Variants in ESRRG observed in about 807,000 individuals in gnomAD.
ESRRG encodes the protein estrogen-related receptor gamma.
A neutral mutation model predicts 44.0 loss-of-function variants in ESRRG; 13 were observed. The ratio of observed to expected loss-of-function variants is 0.30; its 90% CI spans 0.19 to 0.47. ESRRG has a LOEUF of 0.47. Among genes scored for constraint, ESRRG ranks in the 20% least tolerant of loss-of-function variants. The pLI, the probability that ESRRG is intolerant of heterozygous loss-of-function variation, is 1.00. For synonymous variants in ESRRG, 215 were observed against 214.6 expected (o/e 1.00, Z -0.02); for missense variants, 395 against 580.6 (o/e 0.68, Z 3.29).
chr1:216,949,905 C>T (rs1050110786), intron 1 of ESRRG, among the ~76,000 whole-genome samples: 40 of 151,956 alleles, frequency 2.6e-4, no homozygotes, highest in African/African-American at 9.2e-4. Context: ...CTCCACATCC[C>T]GGGCTCAGGC....
intron 2 of ESRRG, among the ~76,000 whole-genome samples, chr1:216,904,211 C>T (rs568044247): frequency 6.6e-6 from 1 of 151,156 alleles, no homozygotes; most frequent in Non-Finnish European, 1.5e-5. Flanking sequence ...ATCACCCCCC[C>T]CAACTGATAA....
chr1:216,571,062 C>T (rs2060693973), intron 3 of ESRRG, among the ~76,000 whole-genome samples: 1 of 152,146 alleles, frequency 6.6e-6, no homozygotes, highest in African/African-American at 2.4e-5. Context: ...ACAGTTACAT[C>T]ACTTTAAAGC....
chr1:216,667,685 CAAAA>C lies in ESRRG; in HGVS notation c.472+9387_472+9390del, dbSNP rs67275285. The stretch of plus-strand genomic sequence containing the variant: ...TGGGTGACAGAGCGAGACTCCATCT[CAAAA>C]AAAAAAAAAAAAAAAAAAAAGATAG... On this transcript the variant is annotated intron_variant, in intron 2 of 6. Transcript: ENST00000408911. Among the ~76,000 whole-genome samples the C allele has an allele frequency of 8.6e-3, 572 of 66,170 alleles. 3 individuals carry two copies. Among genetic ancestry groups the C allele is most frequent in the African/African-American group, 0.034 (524 of 15,444 alleles). The allele number at this position is 66,170 out of a possible 152,430, so 43.4% of individuals were successfully genotyped here.
At chr1:216,778,038 C>A (rs1035274284) in intron 2 of ESRRG, among the ~76,000 whole-genome samples, 1 of 152,008 alleles carries the variant, frequency 6.6e-6, no homozygotes, top group South Asian at 2.1e-4. Flanking sequence ...ATCTAGGAGT[C>A]ATTTGAGTTA....
chr1:216,927,513 A>G (rs1483411992), intron 2 of ESRRG, among the ~76,000 whole-genome samples: 1 of 152,222 alleles, frequency 6.6e-6, no homozygotes, highest in East Asian at 1.9e-4. Context: ...GGCAACTTGA[A>G]ATGGGCCAAC....
At chr1:216,976,463 T>C (rs1005617880) in intron 1 of ESRRG, among the ~76,000 whole-genome samples, 11 of 152,180 alleles carry the variant, frequency 7.2e-5, no homozygotes, top group African/African-American at 2.2e-4. Context: ...CTCTAAACCA[T>C]GTCTGTGCTG....
chr1:216,549,056 C>T (rs1572763464), intron 5 of ESRRG, among the ~76,000 whole-genome samples: 1 of 151,980 alleles, frequency 6.6e-6, no homozygotes, highest in Non-Finnish European at 1.5e-5. Context: ...TCAAGACAAA[C>T]TAGAATCTCT....
Position 216,564,360 on chromosome 1 carries a change from A to G in ESRRG, c.721T>C (p.Leu241=), listed in dbSNP as rs1275946582. Residue 241 remains leucine, a synonymous_variant, in exon 5 of 7, where the codon TTG becomes CTG. Coordinates refer to ENST00000408911, the MANE Select transcript of ESRRG (RefSeq NM_001438.4). ...ATCTTCTCCGGTTCAGCCACCAACAAATGTGAGACAATCTTGTTATCTGCA... is the reference window on the plus strand; with the variant it reads ...ATCTTCTCCGGTTCAGCCACCAACAGATGTGAGACAATCTTGTTATCTGCA... ...KKPYNKIVSH[L]LVAEPEKIYA... is the part of the protein sequence containing the mutation. 2 of 1,609,996 alleles carry G rather than the reference A, an allele frequency of 1.2e-6. No individual in the cohort carries two copies. The highest frequency in any genetic ancestry group is 3.4e-5 in the Admixed American group (2 of 59,492).
chr1:217,038,199 C>T (rs1433769564), intron 1 of ESRRG, among the ~76,000 whole-genome samples: 1 of 152,230 alleles, frequency 6.6e-6, no homozygotes, highest in Non-Finnish European at 1.5e-5. Flanking sequence ...GGCCTCCAAT[C>T]CCACATTTTC....
chr1:216,945,359 A>G (rs1033750588), intron 1 of ESRRG, among the ~76,000 whole-genome samples: 1 of 152,138 alleles, frequency 6.6e-6, no homozygotes, highest in Non-Finnish European at 1.5e-5. Flanking sequence ...ATGTAACATG[A>G]TGCTTCCTTT....
chr1:216,632,926 C>G (rs902576647), intron 3 of ESRRG, among the ~76,000 whole-genome samples: 1 of 152,016 alleles, frequency 6.6e-6, no homozygotes, highest in Non-Finnish European at 1.5e-5. Flanking sequence ...GTATAATATC[C>G]TTTTCCTTTG....
intron 1 of ESRRG, among the ~76,000 whole-genome samples, chr1:216,696,656 G>A (rs775918123): frequency 5.9e-5 from 9 of 152,004 alleles, no homozygotes; most frequent in Non-Finnish European, 1.0e-4. Flanking sequence ...CTCCCTAATT[G>A]GTACAGAATT....
chr1:216,965,539 C>T (rs545065853), intron 1 of ESRRG, among the ~76,000 whole-genome samples: 1 of 152,162 alleles, frequency 6.6e-6, no homozygotes, highest in Non-Finnish European at 1.5e-5. Flanking sequence ...GCCGAGGGGA[C>T]ATGCCCATCT....
intron 1 of ESRRG, among the ~76,000 whole-genome samples, chr1:216,993,610 G>A (rs534384627): frequency 7.0e-4 from 107 of 152,264 alleles, no homozygotes; most frequent in African/African-American, 2.5e-3. Context: ...ACCCGGAGAT[G>A]ATGAGGGCAG....
intron 2 of ESRRG, among the ~76,000 whole-genome samples, chr1:216,898,118 A>C (rs978492374): frequency 7.2e-5 from 11 of 152,186 alleles, no homozygotes; most frequent in African/African-American, 1.9e-4. Context: ...AGGGGGAAAA[A>C]ATCAGAAAGA....
intron 2 of ESRRG, among the ~76,000 whole-genome samples, chr1:216,791,227 G>A (rs2094309219): frequency 6.6e-6 from 1 of 152,094 alleles, no homozygotes; most frequent in Admixed American, 6.6e-5. Flanking sequence ...GCTTGGTACT[G>A]TCTTCACGAC....
intron 3 of ESRRG, among the ~76,000 whole-genome samples, chr1:216,650,510 T>C (rs903225276): frequency 2.0e-5 from 3 of 152,146 alleles, no homozygotes; most frequent in Non-Finnish European, 4.4e-5. Flanking sequence ...AGAAAGCAAT[T>C]TTAATATCAT....
chr1:216,796,995 G>A (rs1423010759), intron 2 of ESRRG, among the ~76,000 whole-genome samples: 2 of 152,006 alleles, frequency 1.3e-5, no homozygotes, highest in Non-Finnish European at 2.9e-5. Context: ...AGGTTCAAGC[G>A]ATTCTCCTCC....
intron 1 of ESRRG, among the ~76,000 whole-genome samples, chr1:217,020,412 A>G (rs1161649696): frequency 6.6e-6 from 1 of 152,200 alleles, no homozygotes; most frequent in East Asian, 1.9e-4. Flanking sequence ...ACATTTTACA[A>G]TGAAGAAACT....
Sources: allele counts gnomAD v4.1 joint callset (sites outside exome capture counted in the v4.1 genomes callset), GRCh38; gene constraint gnomAD v4.1.1; transcripts MANE v1.5; gene names NCBI Gene and HGNC (gene_info 2026-07-23, HGNC 2026-07-21).